DNAJC24: variants seen among roughly 807,000 people sequenced by gnomAD.
The protein encoded by DNAJC24 is dnaJ homolog subfamily C member 24.
DNAJC24 carries 17 observed loss-of-function variants against 18.0 expected under a neutral mutation model. The ratio of observed to expected loss-of-function variants is 0.94; its 90% CI spans 0.65 to 1.42. The LOEUF is 1.42. Ranked by LOEUF, DNAJC24 falls within the 40% of genes most tolerant of loss-of-function variation. DNAJC24 has a pLI of 0.00. For synonymous variants in DNAJC24, 55 were observed against 57.7 expected, an observed-to-expected ratio of 0.95 and a Z score of 0.21; for missense variants, 158 against 175.6, an observed-to-expected ratio of 0.90 and a Z score of 0.57.
chr11:31,370,309 C>A (rs1465423517), intron 1 of DNAJC24, among the ~76,000 whole-genome samples: 4 of 152,018 alleles, frequency 2.6e-5, no homozygotes, highest in Non-Finnish European at 5.9e-5. Context: ...CTTTGATGTT[C>A]TGTTTTGCTT....
chr11:31,420,250 C>T (rs1390444353), intron 3 of DNAJC24, among the ~76,000 whole-genome samples: 1 of 152,028 alleles, frequency 6.6e-6, no homozygotes, highest in Non-Finnish European at 1.5e-5. Context: ...CAGAACCATC[C>T]TCCTGTTCTG....
chr11:31,404,699 G>T (rs1047768229), intron 2 of DNAJC24, among the ~76,000 whole-genome samples: 3 of 152,142 alleles, frequency 2.0e-5, no homozygotes, highest in African/African-American at 7.2e-5. Context: ...ACTCATAAAT[G>T]CATGCAAACT....
rs776986887 is a variant in DNAJC24, at chr11:31,414,840, A to G, written c.141A>G (p.Val47=). 7 of 1,613,806 alleles carry G rather than the reference A, an allele frequency of 4.3e-6. No homozygotes were observed. In the Admixed American group the frequency reaches 6.7e-5, roughly 15 times the overall value. ...MYHPDKQSTD[V]PAGTVEECVQ... ...ATCCAGATAAACAAAGTACAGATGT[A>G]CCAGCAGGAACAGTGGAGGAATGTG... Residue 47 remains valine, a synonymous_variant, in exon 3 of 5, where the codon GTA becomes GTG. Transcript: ENST00000465995.
At chr11:31,402,101 T>C (rs570847416) in intron 2 of DNAJC24, among the ~76,000 whole-genome samples, 1 of 152,326 alleles carries the variant, frequency 6.6e-6, no homozygotes, top group African/African-American at 2.4e-5. Context: ...AAGCCATCCA[T>C]ATATAGACGG....
Position 31,370,787 on chromosome 11 carries a change from C to T in DNAJC24, c.39C>T (p.Tyr13=). ...AGCAGATGCCAAAAAAGGATTGGTA[C>T]AGCATCCTGGGAGCAGACCCATCTG... ...AVEQMPKKDW[Y]SILGADPSAN... is the part of the protein sequence containing the mutation. Residue 13 remains tyrosine (Y), a synonymous_variant, in exon 2 of 5, where the codon TAC becomes TAT. Coordinates refer to ENST00000465995, the MANE Select transcript of DNAJC24 (RefSeq NM_181706.5). The T allele has an allele frequency of 1.2e-6, 2 of 1,613,148 alleles. No homozygotes were observed. The highest frequency in any genetic ancestry group is 1.7e-6 in the Non-Finnish European group (2 of 1,179,714).
intron 2 of DNAJC24, among the ~76,000 whole-genome samples, chr11:31,400,650 G>T (rs1299774782): frequency 6.6e-6 from 1 of 152,180 alleles, no homozygotes; most frequent in Admixed American, 6.5e-5. Flanking sequence ...TTTAATAAAT[G>T]ATGCTGGGAA....
At chr11:31,379,141 A>G (rs1445324703) in intron 2 of DNAJC24, among the ~76,000 whole-genome samples, 1 of 152,086 alleles carries the variant, frequency 6.6e-6, no homozygotes, top group African/African-American at 2.4e-5. Flanking sequence ...AGGGGTCCCC[A>G]GTCCCCGCGC....
At position 31,389,618 on chromosome 11, in the gene DNAJC24, A is replaced by G. The variant is rs183195958; in HGVS notation, c.111+18759A>G. Among the ~76,000 whole-genome samples the G allele has an allele frequency of 5.1e-4, 77 of 152,314 alleles. 1 individual carries two copies. Among genetic ancestry groups the G allele is most frequent in the Non-Finnish European group, 2.8e-4 (19 of 68,018 alleles). ...GACAGATCTTCCAGACAGAAAATTA[A>G]CAAACATCAGACTTAATCAGCACCT... On this transcript the variant is annotated intron_variant, in intron 2 of 4. Coordinates refer to ENST00000465995, the MANE Select transcript of DNAJC24 (RefSeq NM_181706.5).
At position 31,432,778 on chromosome 11, in the gene DNAJC24, C is replaced by CA. The variant is rs951387184; in HGVS notation, c.*2380dup. On this transcript the variant is annotated 3_prime_UTR_variant, in exon 5 of 5. Transcript: ENST00000465995. The stretch of plus-strand genomic sequence containing the variant: ...TTTAAACTCCAAAGTTTGGGACATT[C>CA]AAACAATGTACATGAAATTATATGT... Among the ~76,000 whole-genome samples, 11 of 152,086 alleles carry CA rather than the reference C, an allele frequency of 7.2e-5. No homozygotes were observed. Among genetic ancestry groups the CA allele is most frequent in the Non-Finnish European group, 1.6e-4 (11 of 67,992 alleles).
chr11:31,385,034 T>A (rs969167874), intron 2 of DNAJC24: 6 of 152,356 alleles, frequency 3.9e-5, no homozygotes, highest in South Asian at 4.1e-4. Flanking sequence ...GTTTAATGCA[T>A]CTTTTAGTTC....
At chr11:31,409,564 G>A (rs937611671) in intron 2 of DNAJC24, among the ~76,000 whole-genome samples, 1 of 152,058 alleles carries the variant, frequency 6.6e-6, no homozygotes, top group Non-Finnish European at 1.5e-5. Flanking sequence ...TTGTGTTATT[G>A]AGTGTGTCAT....
chr11:31,389,867 T>C (rs1452427997), intron 2 of DNAJC24, among the ~76,000 whole-genome samples: 1 of 152,184 alleles, frequency 6.6e-6, no homozygotes, highest in Non-Finnish European at 1.5e-5. Flanking sequence ...TTTTGGAAAC[T>C]ATATAAATAC....
chr11:31,401,302 C>G (rs928873214), intron 2 of DNAJC24, among the ~76,000 whole-genome samples: 2 of 152,042 alleles, frequency 1.3e-5, no homozygotes, highest in Admixed American at 1.3e-4. Context: ...TATCTTAATT[C>G]TTTATTTGAA....
chr11:31,411,786 A>G (rs1446984575), intron 2 of DNAJC24, among the ~76,000 whole-genome samples: 2 of 152,136 alleles, frequency 1.3e-5, no homozygotes, highest in African/African-American at 2.4e-5. Flanking sequence ...GTGAACTCCC[A>G]TTTTCCAAAT....
At chr11:31,398,295 T>TA (rs1952564052) in intron 2 of DNAJC24, among the ~76,000 whole-genome samples, 1 of 152,168 alleles carries the variant, frequency 6.6e-6, no homozygotes, top group Non-Finnish European at 1.5e-5. Context: ...CTCTCATCAT[T>TA]AGGTATTTAG....
intron 2 of DNAJC24, among the ~76,000 whole-genome samples, chr11:31,411,626 C>T (rs1433815182): frequency 2.0e-5 from 3 of 152,230 alleles, no homozygotes; most frequent in Non-Finnish European, 2.9e-5. Flanking sequence ...TCAGATCTCT[C>T]TCTCTCCACT....
intron 2 of DNAJC24, among the ~76,000 whole-genome samples, chr11:31,380,136 G>C (rs982851181): frequency 6.6e-6 from 1 of 152,162 alleles, no homozygotes; most frequent in Admixed American, 6.5e-5. Context: ...AATCTATGAA[G>C]AGATGATTTA....
In DNAJC24 at chr11:31,414,865, G is replaced by A; in HGVS notation, c.166G>A (p.Val56Ile). Reference sequence around the variant, plus strand: ...ACCAGCAGGAACAGTGGAGGAATGTGTACAGAAGTTCATCGAAATTGATCA... The same window carrying A: ...ACCAGCAGGAACAGTGGAGGAATGTATACAGAAGTTCATCGAAATTGATCA... ...DVPAGTVEEC[V>I]QKFIEIDQAW... is the part of the protein sequence containing the mutation. Residue 56 changes from valine to isoleucine, a missense_variant, in exon 3 of 5, where the codon GTA becomes ATA. Coordinates refer to ENST00000465995, the MANE Select transcript of DNAJC24 (RefSeq NM_181706.5). 1 of 1,614,038 alleles carries A rather than the reference G, an allele frequency of 6.2e-7. No homozygotes were observed. Among genetic ancestry groups the A allele is most frequent in the Non-Finnish European group, 8.5e-7 (1 of 1,179,938 alleles).
chr11:31,390,137 C>A (rs1338967121), intron 2 of DNAJC24, among the ~76,000 whole-genome samples: 3 of 152,084 alleles, frequency 2.0e-5, no homozygotes, highest in African/African-American at 7.2e-5. Context: ...CAGTGGCTCA[C>A]GCCTGTAATC....
Sources: allele counts gnomAD v4.1 joint callset (sites outside exome capture counted in the v4.1 genomes callset), GRCh38; gene constraint gnomAD v4.1.1; transcripts MANE v1.5; gene names NCBI Gene and HGNC (gene_info 2026-07-23, HGNC 2026-07-21).